The following SNAPC4 variants were observed in gnomAD, a reference collection of about 807,000 sequenced individuals.
The protein encoded by SNAPC4 is snRNA-activating protein complex subunit 4.
SNAPC4 carries 127 observed loss-of-function variants against 151.3 expected under a neutral mutation model. The ratio of observed to expected loss-of-function variants is 0.84; its 90% confidence interval spans 0.73 to 0.97. SNAPC4 has a LOEUF of 0.97. Among genes scored for constraint, SNAPC4 ranks in the 50% least tolerant of loss-of-function variants. The pLI, the probability that SNAPC4 is intolerant of heterozygous loss-of-function variation, is 0.00. For synonymous variants in SNAPC4, 1,002 were observed against 824.4 expected (o/e 1.22, Z -3.69); for missense variants, 2,186 against 1,935.0 (o/e 1.13, Z -2.43).
In SNAPC4 at chr9:136,378,444, G is replaced by A. The variant is rs1833552131; in HGVS notation, c.3383C>T (p.Pro1128Leu). ...ETRAAQGPRA[P>L]ALSSSWQPPA... Reference sequence around the variant, plus strand: ...GGGCTGCCAAGAGCTGCTCAACGCTGGGGCCCTGGGGCCCTGGGCCGCCCG... The same window carrying A: ...GGGCTGCCAAGAGCTGCTCAACGCTAGGGCCCTGGGGCCCTGGGCCGCCCG... Residue 1128 changes from proline to leucine, a missense_variant, in exon 22 of 24, where the codon CCA becomes CTA. Coordinates refer to ENST00000684778, the MANE Select transcript of SNAPC4 (RefSeq NM_003086.4). 1 of 1,588,706 alleles carries A rather than the reference G, an allele frequency of 6.3e-7. No homozygotes were observed. The highest frequency in any genetic ancestry group is 1.7e-5 in the Admixed American group (1 of 58,648).
intron 12 of SNAPC4, 24 bp from the exon 13 acceptor site, chr9:136,387,603 A>G: frequency 1.3e-6 from 2 of 1,568,968 alleles, no homozygotes; most frequent in Non-Finnish European, 1.8e-6. Context: ...CAGGCAGACA[A>G]GTGAAGCCTC....
chr9:136,381,706 C>T, intron 18 of SNAPC4, 118 bp downstream of exon 18: 1 of 1,335,286 alleles, frequency 7.5e-7, no homozygotes, highest in Non-Finnish European at 1.0e-6. Flanking sequence ...GCGCCCACCC[C>T]AAAAAGACTC....
chr9:136,378,519 G>C lies in SNAPC4; in HGVS notation c.3308C>G (p.Pro1103Arg). 4 of 1,591,882 alleles carry C rather than the reference G, an allele frequency of 2.5e-6. No homozygotes were observed. The highest frequency in any genetic ancestry group is 3.4e-6 in the Non-Finnish European group (4 of 1,174,854). ...VVSLPRPAGTPGPAGLLATLL... is the reference protein window; with the variant it reads ...VVSLPRPAGTRGPAGLLATLL... ...AGTGGCCAGCAGCCCTGCGGGGCCAGGGGTCCCTGCTGGCCTGGGAAGGCT... is the reference window on the plus strand; with the variant it reads ...AGTGGCCAGCAGCCCTGCGGGGCCACGGGTCCCTGCTGGCCTGGGAAGGCT... Residue 1103 changes from proline (P) to arginine (R), a missense_variant, in exon 22 of 24, where the codon CCT (proline) becomes CGT (arginine). Pro to Arg is a moderately radical substitution (Grantham distance 103, BLOSUM62 -2). Transcript: ENST00000684778.
At chr9:136,390,697 G>GCA (rs1564390805) in intron 10 of SNAPC4, among the ~76,000 whole-genome samples, 1 of 151,084 alleles carries the variant, frequency 6.6e-6, no homozygotes, top group East Asian at 1.9e-4. Flanking sequence ...TGCACATCCT[G>GCA]CACACACAGC....
At chr9:136,387,894 C>A in intron 11 of SNAPC4, 46 bp from the exon 12 acceptor site, 1 of 1,070,542 alleles carries the variant, frequency 9.3e-7, no homozygotes, top group African/African-American at 1.6e-5. Context: ...GAGACACACA[C>A]CCTCCATAGA....
intron 17 of SNAPC4, 29 bp downstream of exon 17, chr9:136,382,224 T>C: frequency 6.2e-7 from 1 of 1,609,302 alleles, no homozygotes; most frequent in Middle Eastern, 1.9e-4. Context: ...CGTGGTGGCG[T>C]GCGCGTGGGT....
chr9:136,394,565 T>C (rs1834193985), intron 6 of SNAPC4, among the ~76,000 whole-genome samples: 1 of 152,166 alleles, frequency 6.6e-6, no homozygotes, highest in Non-Finnish European at 1.5e-5. Context: ...GCGGGGAGAC[T>C]GAGCCAGAGG....
intron 10 of SNAPC4, 110 bp from the exon 11 acceptor site, chr9:136,388,701 C>G: frequency 7.9e-7 from 1 of 1,268,982 alleles, no homozygotes; most frequent in Non-Finnish European, 1.1e-6. Flanking sequence ...TGGGGTGACC[C>G]TTCTGCAGAC....
rs1258830225 is a variant in SNAPC4, at chr9:136,400,134, C to A, written c.-10G>T. ...CTCACCTGCTGGGCGCACACCTTAC[C>A]TGGCCGCGCGGACCCCGCCGTCGCC... On this transcript the variant is annotated splice_region_variant and 5_prime_UTR_variant, in exon 1 of 24. The change creates a new upstream start codon in the 5' untranslated region. Transcript: ENST00000684778. The A allele has an allele frequency of 6.6e-6, 1 of 152,138 alleles. No individual in the cohort carries two copies. The allele number at this position is 152,138 out of a possible 1,614,324, so 9.4% of individuals were successfully genotyped here. A position where few individuals can be genotyped will look rare whatever the true frequency, so the allele number is the denominator to read the frequency against.
At chr9:136,380,006 C>A (rs2099739394) in intron 20 of SNAPC4, 142 bp from the exon 21 acceptor site, 8 of 1,421,808 alleles carry the variant, frequency 5.6e-6, no homozygotes, top group Non-Finnish European at 7.8e-6. Flanking sequence ...CCACACGCCT[C>A]TGTAGGAACT....
chr9:136,378,148 C>T lies in SNAPC4; in HGVS notation c.3679G>A (p.Gly1227Arg). The T allele has an allele frequency of 2.5e-6, 4 of 1,610,012 alleles. No homozygotes were observed. The highest frequency in any genetic ancestry group is 3.4e-6 in the Non-Finnish European group (4 of 1,179,094). ...AGAGGCCCCCTGGGCTCCTGTGTCC[C>T]TGAGGGGGACCCCGGCGTCCCCCTT... The part of the protein sequence containing the change: ...EPRGTPGSPS[G>R]TQEPRGPLGL... The change falls in exon 22 of 24, where the codon GGG (glycine) becomes AGG (arginine). Residue 1227 changes from glycine (G) to arginine (R), a missense_variant. Physicochemically the swap from Gly to Arg is moderately radical, Grantham distance 125. Transcript: ENST00000684778.
At chr9:136,382,104 T>C (rs1564382232) in intron 17 of SNAPC4, 31 bp from the exon 18 acceptor site, 3 of 1,563,892 alleles carry the variant, frequency 1.9e-6, no homozygotes, top group East Asian at 2.4e-5. Context: ...CTGGGGCCCA[T>C]GGCCAGGCTC....
Position 136,383,470 on chromosome 9 carries a change from G to T in SNAPC4, c.1699C>A (p.Pro567Thr). Reference protein sequence around the residue: ...RALLSPQYMVPDMDLWVPARQ... With the variant: ...RALLSPQYMVTDMDLWVPARQ... Reference sequence around the variant, plus strand: ...GCAGGAACCCACAGGTCCATGTCCGGGACCATGTACTGTGGGGACAGCAGC... The same window carrying T: ...GCAGGAACCCACAGGTCCATGTCCGTGACCATGTACTGTGGGGACAGCAGC... The change falls in exon 16 of 24, where the codon CCG (proline) becomes ACG (threonine). Residue 567 changes from proline (P) to threonine (T), a missense_variant. Coordinates refer to ENST00000684778, the MANE Select transcript of SNAPC4 (RefSeq NM_003086.4). The surrounding 1 kb of genome is among the most constrained non-coding windows in gnomAD (Gnocchi z 4.2). The T allele has an allele frequency of 6.4e-7, 1 of 1,564,630 alleles. No individual in the cohort carries two copies. Among genetic ancestry groups the T allele is most frequent in the Non-Finnish European group, 8.7e-7 (1 of 1,154,810 alleles).
chr9:136,376,418 C>T lies in SNAPC4; in HGVS notation c.4348G>A (p.Asp1450Asn), dbSNP rs770415961. ...SCLDTSNDPD[D>N]LDVLRTRHAR... ...TGCCGGGTTCTGAGCACGTCCAGGT[C>T]GTCAGGGTCATTAGAAGTATCCAGG... is the stretch of plus-strand genomic sequence containing the variant. The change falls in exon 23 of 24, where the codon GAC becomes AAC. Residue 1450 changes from aspartate (D) to asparagine (N), a missense_variant. Transcript: ENST00000684778. The T allele has an allele frequency of 1.9e-6, 3 of 1,613,452 alleles. No homozygotes were observed. The highest frequency in any genetic ancestry group is 2.2e-5 in the East Asian group (1 of 44,882).
chr9:136,383,019 C>A lies in SNAPC4; in HGVS notation c.1983+167G>T, dbSNP rs574337715. ...ACAAGCCAGGAAAAATGGAGGCTTC[C>A]CCAACAGTCCCCCCGACGCACAGCT... is the stretch of plus-strand genomic sequence containing the variant. On this transcript the variant is annotated intron_variant, in intron 16 of 23. Transcript: ENST00000684778. This position sits in a 1 kb window ranked among gnomAD's most constrained non-coding sequence, Gnocchi z 4.2. Among the ~76,000 whole-genome samples the A allele has an allele frequency of 6.6e-6, 1 of 152,340 alleles. No individual in the cohort carries two copies. The highest frequency in any genetic ancestry group is 2.1e-4 in the South Asian group (1 of 4,832).
chr9:136,383,627 G>A lies in SNAPC4; in HGVS notation c.1542C>T (p.His514=). 6.2e-7 allele frequency: 1 copy of A among 1,611,036 alleles called. No homozygotes were observed. The highest frequency in any genetic ancestry group is 8.5e-7 in the Non-Finnish European group (1 of 1,178,838). The change falls in exon 16 of 24, where the codon CAC becomes CAT. Residue 514 remains histidine, a synonymous_variant. Coordinates refer to ENST00000684778, the MANE Select transcript of SNAPC4 (RefSeq NM_003086.4). The surrounding 1 kb of genome is among the most constrained non-coding windows in gnomAD (Gnocchi z 4.2). ...TGCTGGTAGAGCTCCACCGGACGCT[G>A]TGACGGGCCCTCCGCCGCCGCCTCC... ...GLRRRRRRAR[H]SVRWSSTSSS... is the part of the protein sequence containing the mutation.
intron 10 of SNAPC4, among the ~76,000 whole-genome samples, chr9:136,389,801 C>A (rs993179110): frequency 1.6e-4 from 25 of 152,090 alleles, no homozygotes; most frequent in African/African-American, 5.8e-4. Flanking sequence ...CTGAGAGCAG[C>A]AGCTCTCAAA....
At chr9:136,379,898 G>A in intron 20 of SNAPC4, 34 bp from the exon 21 acceptor site, 1 of 1,603,670 alleles carries the variant, frequency 6.2e-7, no homozygotes, top group Non-Finnish European at 8.5e-7. Flanking sequence ...CAGCAGCTCA[G>A]GTGTCCTCTG....
At chr9:136,393,958 C>T (rs1180807364) in intron 7 of SNAPC4, among the ~76,000 whole-genome samples, 1 of 152,260 alleles carries the variant, frequency 6.6e-6, no homozygotes, top group Non-Finnish European at 1.5e-5. Flanking sequence ...CGCTCTGTCA[C>T]CCAGGCTGGA....
Sources: gnomAD v4.1 joint callset for allele counts (sites outside exome capture counted in the v4.1 genomes callset) on GRCh38, gnomAD v4.1.1 for gene constraint, Gnocchi (gnomAD v3.1) non-coding constraint, MANE v1.5 for transcripts, NCBI Gene and HGNC (gene_info 2026-07-23, HGNC 2026-07-21) for gene names.